CRYBG3: variants seen among roughly 807,000 people sequenced by gnomAD.
CRYBG3 encodes very large A-kinase anchor protein.
In CRYBG3, 127 loss-of-function variants were observed where a neutral mutation model predicts 244.2. The observed-to-expected ratio is 0.52, with a 90% confidence interval of 0.45 to 0.60. The LOEUF (loss-of-function observed/expected upper bound fraction) is 0.60. CRYBG3 is among the 20% of genes least tolerant of loss of function. The pLI is 0.00. For synonymous variants in CRYBG3, 1,132 were observed against 1,195.8 expected (o/e 0.95, Z 1.10); for missense variants, 3,325 against 3,442.5 (o/e 0.97, Z 0.85).
At chr3:97,933,920 G>C (rs1330921432) in intron 18 of CRYBG3, 87 bp downstream of exon 18, 7 of 1,137,002 alleles carry the variant, frequency 6.2e-6, no homozygotes, top group East Asian at 2.4e-5. Flanking sequence ...CTGTGTAGTA[G>C]TACGCATTCA....
chr3:97,894,116 CAT>C (rs759466056), intron 11 of CRYBG3, among the ~76,000 whole-genome samples: 24 of 152,244 alleles, frequency 1.6e-4, no homozygotes, highest in Non-Finnish European at 2.2e-4. Context: ...TGTGAACACA[CAT>C]GTTTCTTGAT....
rs1265061543 is a variant in CRYBG3, at chr3:97,909,644, T to G, written c.8005-2523T>G. 2.6e-5 allele frequency among the ~76,000 whole-genome samples: 4 copies of G among 151,840 alleles called. No individual in the cohort carries two copies. In the East Asian group the frequency reaches 5.8e-4, roughly 22 times the overall value. On this transcript the variant is annotated intron_variant, in intron 15 of 21. Transcript: ENST00000389622. ...CTGTATTGGTTATTCTAGTTATACATTCTTCTAAATTTTTTTCAAAGTTTT... is the reference window on the plus strand; with the variant it reads ...CTGTATTGGTTATTCTAGTTATACAGTCTTCTAAATTTTTTTCAAAGTTTT...
chr3:97,880,436 G>A (rs941010636), intron 6 of CRYBG3, among the ~76,000 whole-genome samples: 2 of 152,228 alleles, frequency 1.3e-5, no homozygotes, highest in African/African-American at 4.8e-5. Flanking sequence ...TTGAAAATGA[G>A]TTCAGAATTT....
At chr3:97,841,330 A>T (rs1190739548) in intron 1 of CRYBG3, among the ~76,000 whole-genome samples, 2 of 150,742 alleles carry the variant, frequency 1.3e-5, no homozygotes, top group African/African-American at 4.9e-5. Context: ...GCATATATAT[A>T]TGTATATATG....
At chr3:97,850,524 T>A (rs2038969722) in intron 2 of CRYBG3, among the ~76,000 whole-genome samples, 1 of 152,220 alleles carries the variant, frequency 6.6e-6, no homozygotes, top group Non-Finnish European at 1.5e-5. Context: ...ATCCTAGAAC[T>A]GATCATAACA....
chr3:97,928,888 A>T (rs1164590845), intron 17 of CRYBG3, among the ~76,000 whole-genome samples: 1 of 152,006 alleles, frequency 6.6e-6, no homozygotes, highest in Non-Finnish European at 1.5e-5. Context: ...ATATATATCT[A>T]TGGATGGATA....
At chr3:97,822,394 A>C (rs988997003) in intron 1 of CRYBG3, 39 bp downstream of exon 1, 6 of 1,425,722 alleles carry the variant, frequency 4.2e-6, no homozygotes, top group Non-Finnish European at 5.5e-6. Flanking sequence ...GGCCCTGCAC[A>C]TATTCGCGGG....
chr3:97,905,096 G>A (rs1470816181), intron 15 of CRYBG3, among the ~76,000 whole-genome samples: 2 of 152,094 alleles, frequency 1.3e-5, no homozygotes, highest in African/African-American at 4.8e-5. Flanking sequence ...TGGCTGCATA[G>A]TATTCCGTGG....
chr3:97,893,451 A>G (rs2039604675), intron 11 of CRYBG3, among the ~76,000 whole-genome samples: 1 of 152,218 alleles, frequency 6.6e-6, no homozygotes, highest in Non-Finnish European at 1.5e-5. Flanking sequence ...CGGGCTCTGA[A>G]CTGCTTTTGA....
intron 1 of CRYBG3, among the ~76,000 whole-genome samples, chr3:97,840,250 T>G (rs2108166965): frequency 6.6e-6 from 1 of 152,218 alleles, no homozygotes; most frequent in East Asian, 1.9e-4. Context: ...GCATGAATAA[T>G]GTTATCCATG....
At chr3:97,909,287 G>A (rs879813214) in intron 15 of CRYBG3, among the ~76,000 whole-genome samples, 31 of 146,676 alleles carry the variant, frequency 2.1e-4, no homozygotes, top group Admixed American at 1.2e-3. Context: ...GAATCTGAAC[G>A]TTGGCCTGCC....
intron 2 of CRYBG3, among the ~76,000 whole-genome samples, chr3:97,858,133 G>A (rs1231213169): frequency 6.7e-6 from 1 of 149,732 alleles, no homozygotes; most frequent in Admixed American, 6.7e-5. Context: ...TCATTTCTGA[G>A]GGATAGCTTT....
At chr3:97,895,636 G>A (rs2039631393) in intron 11 of CRYBG3, among the ~76,000 whole-genome samples, 1 of 152,152 alleles carries the variant, frequency 6.6e-6, no homozygotes, top group Non-Finnish European at 1.5e-5. Flanking sequence ...TTGGCTATAT[G>A]CACTTTGTAT....
rs566718262 is a variant in CRYBG3 at position 97,881,093 on chromosome 3, A to C, written c.7026A>C (p.Pro2342=). 4 of 1,595,574 alleles carry C rather than the reference A, an allele frequency of 2.5e-6. No homozygotes were observed. The highest frequency in any genetic ancestry group is 3.4e-6 in the Non-Finnish European group (4 of 1,174,516). The change falls in exon 7 of 22, where the codon CCA becomes CCC. Residue 2342 remains proline (P), a synonymous_variant. Coordinates refer to ENST00000389622, the MANE Select transcript of CRYBG3 (RefSeq NM_153605.4). ...VRGCWILYEK[P]HFRGQKCVLE... ...TTAGCTGGATTTTATATGAGAAACCACATTTCCGAGGTCAGAAATGTGTGC... is the reference window on the plus strand; with the variant it reads ...TTAGCTGGATTTTATATGAGAAACCCCATTTCCGAGGTCAGAAATGTGTGC...
intron 2 of CRYBG3, among the ~76,000 whole-genome samples, chr3:97,846,570 T>C (rs2038905286): frequency 6.6e-6 from 1 of 151,940 alleles, no homozygotes; most frequent in South Asian, 2.1e-4. Flanking sequence ...TTCTTGGGAG[T>C]GTTAGTGGTG....
rs375986327 is a variant in CRYBG3 at position 97,903,405 on chromosome 3, G to A, written c.8004+2920G>A. 7.9e-4 allele frequency among the ~76,000 whole-genome samples: 120 copies of A among 152,194 alleles called. 1 individual carries two copies. The highest frequency in any genetic ancestry group is 2.6e-3 in the African/African-American group (110 of 41,532). ...TATTTCAGTAAAGAAAGCCTTTATG[G>A]TTAATAAGGGAAATGAAATCATTGT... On this transcript the variant is annotated intron_variant, in intron 15 of 21. Transcript: ENST00000389622.
At chr3:97,845,897 AC>A (rs1472145927) in intron 2 of CRYBG3, among the ~76,000 whole-genome samples, 4 of 152,060 alleles carry the variant, frequency 2.6e-5, no homozygotes, top group Admixed American at 2.6e-4. Context: ...CATTACTCCT[AC>A]CTTTTACCTC....
intron 2 of CRYBG3, among the ~76,000 whole-genome samples, chr3:97,857,001 A>T (rs971091345): frequency 1.5e-4 from 22 of 151,654 alleles, no homozygotes; most frequent in African/African-American, 5.3e-4. Context: ...ATTTGAAATA[A>T]TTTTTTTATT....
At chr3:97,822,911 A>G (rs892242042) in intron 1 of CRYBG3, among the ~76,000 whole-genome samples, 2 of 152,206 alleles carry the variant, frequency 1.3e-5, no homozygotes, top group African/African-American at 4.8e-5. Context: ...AATGATTTTT[A>G]AAAGGAATTG....
Sources: allele counts gnomAD v4.1 joint callset (sites outside exome capture counted in the v4.1 genomes callset), GRCh38; gene constraint gnomAD v4.1.1; transcripts MANE v1.5; gene names NCBI Gene and HGNC (gene_info 2026-07-23, HGNC 2026-07-21).